Variants in FYCO1 observed in about 807,000 individuals in gnomAD.
FYCO1 encodes FYVE and coiled-coil domain-containing protein 1.
Under a neutral mutation model 165.1 loss-of-function variants are expected in FYCO1, and 122 were observed. The observed-to-expected ratio is 0.74, with a 90% CI of 0.64 to 0.86. The LOEUF is 0.86. FYCO1 is among the 40% of genes least tolerant of loss of function. The pLI is 0.00. For synonymous variants in FYCO1, 648 were observed against 742.5 expected (o/e 0.87, Z 2.07); for missense variants, 1,702 against 1,810.3 (o/e 0.94, Z 1.09).
chr3:45,956,824 C>T (rs1307972358), intron 13 of FYCO1, among the ~76,000 whole-genome samples: 1 of 152,180 alleles, frequency 6.6e-6, no homozygotes, highest in Non-Finnish European at 1.5e-5. Flanking sequence ...TCTCCCCAAA[C>T]TGAACTAGAG....
At chr3:45,957,717 A>G (rs34000569) in intron 13 of FYCO1, among the ~76,000 whole-genome samples, 13,552 of 152,336 alleles carry the variant, frequency 0.089, 1,013 homozygotes, top group South Asian at 0.35. Flanking sequence ...AGGAATGGAC[A>G]GTATTTCTAA....
chr3:45,936,518 G>T lies in FYCO1; in HGVS notation c.3970C>A (p.Pro1324Thr). ...ACGGGCATGTCTTCAGTGTCCTCAG[G>T]CGTTAGCGAGGTTGATGTAGTATCC... ...EQDTTSTSLT[P>T]EDTEDMPVGQ... The change falls in exon 15 of 18, where the codon CCT becomes ACT. Residue 1324 changes from proline (P) to threonine (T), a missense_variant. Pro to Thr is a conservative substitution (Grantham distance 38). Coordinates refer to ENST00000296137, the MANE Select transcript of FYCO1 (RefSeq NM_024513.4). 1 of 1,613,508 alleles carries T rather than the reference G, an allele frequency of 6.2e-7. No individual in the cohort carries two copies. Among genetic ancestry groups the T allele is most frequent in the Non-Finnish European group, 8.5e-7 (1 of 1,179,424 alleles).
chr3:45,946,957 C>A (rs1278993079), intron 14 of FYCO1: 1 of 1,614,068 alleles, frequency 6.2e-7, no homozygotes, highest in Non-Finnish European at 8.5e-7. Context: ...TGGGTGATAT[C>A]CCTGCTGGTT....
Position 45,959,150 on chromosome 3 carries a change from G to A in FYCO1, c.3587+243C>T, listed in dbSNP as rs552721417. 2.6e-5 allele frequency among the ~76,000 whole-genome samples: 4 copies of A among 152,274 alleles called. No homozygotes were observed. In the South Asian group the frequency reaches 6.2e-4, roughly 24 times the overall value. ...GTCTCTGGGTATGCCCCATCCCTGC[G>A]GGGCCCCCTAACTCCATCCACATCT... On this transcript the variant is annotated intron_variant, in intron 12 of 17. Coordinates refer to ENST00000296137, the MANE Select transcript of FYCO1 (RefSeq NM_024513.4).
At chr3:45,959,180 A>AT (rs1290772261) in intron 12 of FYCO1, among the ~76,000 whole-genome samples, 2 of 152,104 alleles carry the variant, frequency 1.3e-5, no homozygotes, top group Non-Finnish European at 2.9e-5. Flanking sequence ...ACATCTCTGT[A>AT]TTTTTTCCTT....
chr3:45,932,725 G>A (rs551548550), intron 15 of FYCO1, among the ~76,000 whole-genome samples: 1 of 152,270 alleles, frequency 6.6e-6, no homozygotes, highest in East Asian at 1.9e-4. Flanking sequence ...TAAAAAACCA[G>A]GATGCTTTAA....
Position 45,964,472 on chromosome 3 carries a change from G to A in FYCO1, c.3151-18C>T. 13 of 1,613,594 alleles carry A rather than the reference G, an allele frequency of 8.1e-6. No individual in the cohort carries two copies. The highest frequency in any genetic ancestry group is 1.0e-5 in the Non-Finnish European group (12 of 1,179,710). ...TGGGTGGCCTGGCACAGGACGTCAGGGAGAAGACACTCAGCTTGCAGAAGG... is the reference window on the plus strand; with the variant it reads ...TGGGTGGCCTGGCACAGGACGTCAGAGAGAAGACACTCAGCTTGCAGAAGG... On this transcript the variant is annotated intron_variant, in intron 9 of 17. Transcript: ENST00000296137. This position sits in a 1 kb window ranked among gnomAD's most constrained non-coding sequence, Gnocchi z 4.1.
chr3:45,969,280 T>C (rs1157679032), intron 7 of FYCO1, among the ~76,000 whole-genome samples: 2 of 152,194 alleles, frequency 1.3e-5, no homozygotes, highest in African/African-American at 4.8e-5. Flanking sequence ...ACTTAACATA[T>C]GCTTAAGAAG....
chr3:45,946,494 G>A, intron 14 of FYCO1: 1 of 1,613,030 alleles, frequency 6.2e-7, no homozygotes, highest in South Asian at 1.1e-5. Context: ...GGCAGAGCAT[G>A]ATTACCATGA....
At chr3:45,956,446 C>G (rs1042759838) in intron 13 of FYCO1, among the ~76,000 whole-genome samples, 3 of 152,174 alleles carry the variant, frequency 2.0e-5, no homozygotes, top group African/African-American at 7.2e-5. Flanking sequence ...ACTAATGAGT[C>G]AGGGCAAGCC....
At chr3:45,957,724 C>T (rs1454297643) in intron 13 of FYCO1, among the ~76,000 whole-genome samples, 1 of 152,384 alleles carries the variant, frequency 6.6e-6, no homozygotes, top group South Asian at 2.1e-4. Flanking sequence ...GACAGTATTT[C>T]TAAAGGCTGG....
chr3:45,924,476 G>T (rs907031394), intron 16 of FYCO1, among the ~76,000 whole-genome samples: 2 of 152,178 alleles, frequency 1.3e-5, no homozygotes, highest in Non-Finnish European at 2.9e-5. Context: ...CAGGGCCAGG[G>T]CTCAGAGGGA....
chr3:45,942,630 A>G (rs1451025746), intron 14 of FYCO1, among the ~76,000 whole-genome samples: 1 of 152,184 alleles, frequency 6.6e-6, no homozygotes, highest in African/African-American at 2.4e-5. Flanking sequence ...GGGGCATGTG[A>G]CCCAGGCTGA....
chr3:45,964,920 G>A lies in FYCO1; in HGVS notation c.3150+113C>T. The A allele has an allele frequency of 1.2e-6, 1 of 846,756 alleles. No homozygotes were observed. The highest frequency in any genetic ancestry group is 2.0e-6 in the Non-Finnish European group (1 of 504,250). The allele number at this position is 846,756 out of a possible 1,614,324, so 52.5% of individuals were successfully genotyped here. On this transcript the variant is annotated intron_variant, in intron 9 of 17. Transcript: ENST00000296137. This position sits in a 1 kb window ranked among gnomAD's most constrained non-coding sequence, Gnocchi z 4.1. ...ACTAGGGTGTCTACAAAGGTGAACT[G>A]AGGACGGCTTCAGCTTGGGAATCTG...
At chr3:45,974,964 C>T (rs2125861638) in intron 5 of FYCO1, among the ~76,000 whole-genome samples, 1 of 152,294 alleles carries the variant, frequency 6.6e-6, no homozygotes, top group East Asian at 1.9e-4. Context: ...GGGAAAATGC[C>T]TGGTATCGGG....
chr3:45,981,521 A>C (rs755266525), intron 3 of FYCO1, 49 bp downstream of exon 3: 1 of 1,157,314 alleles, frequency 8.6e-7, no homozygotes, highest in Non-Finnish European at 1.3e-6. Flanking sequence ...CCCAAGAGGG[A>C]GAAAAGAGAT....
chr3:45,984,845 A>G lies in FYCO1; in HGVS notation c.55+11T>C. ...AAAACCAAACTCAGCCTGCCCAGCA[A>G]CCTACCATACCTTGCAAGTCTCGGA... On this transcript the variant is annotated intron_variant, in intron 2 of 17. Transcript: ENST00000296137. 6.2e-7 allele frequency: 1 copy of G among 1,614,156 alleles called. No individual in the cohort carries two copies.
At chr3:45,946,401 C>A in intron 14 of FYCO1, 2 of 1,262,522 alleles carry the variant, frequency 1.6e-6, no homozygotes, top group Non-Finnish European at 2.3e-6. Flanking sequence ...AATGGGATAG[C>A]AGGAAGACAA....
chr3:45,994,025 T>C (rs374934498), intron 1 of FYCO1, among the ~76,000 whole-genome samples: 4 of 152,190 alleles, frequency 2.6e-5, no homozygotes, highest in South Asian at 4.1e-4. Context: ...GCTGCTCTGA[T>C]CTTGCTCTGT....
Sources: gnomAD v4.1 joint callset for allele counts (sites outside exome capture counted in the v4.1 genomes callset) on GRCh38, gnomAD v4.1.1 for gene constraint, Gnocchi (gnomAD v3.1) non-coding constraint, MANE v1.5 for transcripts, NCBI Gene and HGNC (gene_info 2026-07-23, HGNC 2026-07-21) for gene names.